RBKS: variants seen among roughly 807,000 people sequenced by gnomAD.
The protein encoded by RBKS is ribokinase.
RBKS carries 33 observed loss-of-function variants against 33.9 expected under a neutral mutation model. The observed-to-expected ratio is 0.97, with a 90% confidence interval of 0.74 to 1.30. The LOEUF (loss-of-function observed/expected upper bound fraction) is 1.30, where lower values mean the gene tolerates loss of function less well. RBKS is among the 50% of genes most tolerant of loss of function. The pLI is 0.00. For missense variants in RBKS, 361 were observed against 392.6 expected, an observed-to-expected ratio of 0.92 and a Z score of 0.68; for synonymous variants, 125 against 143.0, an observed-to-expected ratio of 0.87 and a Z score of 0.90.
At chr2:27,786,500 T>C (rs1452450702) in intron 7 of RBKS, among the ~76,000 whole-genome samples, 1 of 152,158 alleles carries the variant, frequency 6.6e-6, no homozygotes, top group Non-Finnish European at 1.5e-5. Flanking sequence ...TTTAAAAATA[T>C]GGCTGGGCGC....
At chr2:27,832,048 G>T (rs568235350) in intron 6 of RBKS, among the ~76,000 whole-genome samples, 6 of 152,260 alleles carry the variant, frequency 3.9e-5, no homozygotes, top group Admixed American at 6.5e-5. Flanking sequence ...CTTATAAAAA[G>T]GGAGAAATAT....
chr2:27,826,339 C>CT (rs1428723083), intron 7 of RBKS, among the ~76,000 whole-genome samples: 2 of 151,906 alleles, frequency 1.3e-5, no homozygotes, highest in Non-Finnish European at 1.5e-5. Context: ...AATAAAAACT[C>CT]TAAAATGTTT....
At chr2:27,833,483 A>G (rs1207639980) in intron 5 of RBKS, among the ~76,000 whole-genome samples, 1 of 152,184 alleles carries the variant, frequency 6.6e-6, no homozygotes, top group East Asian at 1.9e-4. Flanking sequence ...GATAGATGGG[A>G]ATAGCAGACA....
At chr2:27,847,192 G>A in intron 3 of RBKS, 88 bp from the exon 4 acceptor site, 24 of 755,206 alleles carry the variant, frequency 3.2e-5, no homozygotes, top group South Asian at 1.2e-4. Flanking sequence ...ACTAATCCTT[G>A]GAAAACCTTT....
At chr2:27,846,017 T>C (rs1446626329) in intron 4 of RBKS, among the ~76,000 whole-genome samples, 1 of 151,780 alleles carries the variant, frequency 6.6e-6, no homozygotes, top group Admixed American at 6.6e-5. Context: ...CAGGCTGGAG[T>C]GTAGTCACCC....
Position 27,827,569 on chromosome 2 carries a change from T to C in RBKS, c.793A>G (p.Thr265Ala). The C allele has an allele frequency of 7.7e-6, 12 of 1,561,848 alleles. No individual in the cohort carries two copies. Among genetic ancestry groups the C allele is most frequent in the Non-Finnish European group, 1.0e-5 (12 of 1,157,048 alleles). ...PTEKVKAVDT[T>A]GAGDSFVGAL... ...GATTCTTAAATTTTAAAACTTACCG[T>C]GGTATCCACAGCCTTGACTTTCTCT... The change falls in exon 7 of 8, where the codon ACG becomes GCG. Residue 265 changes from threonine to alanine, a missense_variant and splice_region_variant. Transcript: ENST00000302188.
intron 2 of RBKS, among the ~76,000 whole-genome samples, chr2:27,852,866 G>T (rs553330428): frequency 6.6e-6 from 1 of 152,296 alleles, no homozygotes; most frequent in East Asian, 1.9e-4. Flanking sequence ...GTGCCTGAGG[G>T]TTATAGTGAA....
chr2:27,871,286 A>C (rs903361497), intron 1 of RBKS, among the ~76,000 whole-genome samples: 4 of 152,188 alleles, frequency 2.6e-5, no homozygotes, highest in South Asian at 2.1e-4. Flanking sequence ...AACAAACAAA[A>C]AAACCCAAAA....
intron 7 of RBKS, among the ~76,000 whole-genome samples, chr2:27,789,830 T>C (rs772860186): frequency 9.3e-5 from 14 of 150,506 alleles, no homozygotes; most frequent in Non-Finnish European, 1.8e-4. Flanking sequence ...CCCAAAGTGC[T>C]GGGATTACAG....
Position 27,827,738 on chromosome 2 carries a change from G to A in RBKS, c.624C>T (p.Gly208=). ...CATCTGCAGCGCTGCCCACCGTGAGGCCAGTTAAAATCTCAGCCTAGAATA... is the reference window on the plus strand; with the variant it reads ...CATCTGCAGCGCTGCCCACCGTGAGACCAGTTAAAATCTCAGCCTAGAATA... The part of the protein sequence containing the change: ...CNESEAEILT[G]LTVGSAADAG... Residue 208 remains glycine, a synonymous_variant, in exon 7 of 8, where the codon GGC becomes GGT. Coordinates refer to ENST00000302188, the MANE Select transcript of RBKS (RefSeq NM_022128.3). 6.2e-7 allele frequency: 1 copy of A among 1,601,970 alleles called. No homozygotes were observed. Among genetic ancestry groups the A allele is most frequent in the East Asian group, 2.3e-5 (1 of 44,366 alleles).
intron 7 of RBKS, among the ~76,000 whole-genome samples, chr2:27,784,015 G>T (rs1479974344): frequency 2.9e-5 from 2 of 68,040 alleles, no homozygotes; most frequent in Admixed American, 2.7e-4. Flanking sequence ...ACGGAGTCTC[G>T]CTCTGTCGCC....
chr2:27,884,956 T>A (rs1309663154), intron 1 of RBKS, among the ~76,000 whole-genome samples: 2 of 152,212 alleles, frequency 1.3e-5, no homozygotes, highest in African/African-American at 4.8e-5. Context: ...TCCAGCCTCA[T>A]GGCTTTAAAT....
At chr2:27,815,727 A>T (rs1374426790) in intron 7 of RBKS, among the ~76,000 whole-genome samples, 1 of 152,220 alleles carries the variant, frequency 6.6e-6, no homozygotes, top group Non-Finnish European at 1.5e-5. Flanking sequence ...GCTTAGACGT[A>T]GGAAGCTAAG....
chr2:27,829,530 G>A (rs1382899683), intron 6 of RBKS, among the ~76,000 whole-genome samples: 2 of 151,896 alleles, frequency 1.3e-5, no homozygotes, highest in East Asian at 3.9e-4. Flanking sequence ...CACCACACCT[G>A]GCTAATTTTT....
chr2:27,807,193 A>C (rs980347453), intron 7 of RBKS, among the ~76,000 whole-genome samples: 18 of 152,244 alleles, frequency 1.2e-4, no homozygotes, highest in Admixed American at 1.2e-3. Flanking sequence ...CATGTGTGCT[A>C]AAGAATTCTC....
At chr2:27,828,185 A>G (rs1424726755) in intron 6 of RBKS, among the ~76,000 whole-genome samples, 1 of 152,230 alleles carries the variant, frequency 6.6e-6, no homozygotes, top group Non-Finnish European at 1.5e-5. Context: ...GAGGAAAAGC[A>G]AATACAGCAA....
intron 5 of RBKS, among the ~76,000 whole-genome samples, chr2:27,833,494 C>A (rs1037293482): frequency 6.6e-6 from 1 of 152,050 alleles, no homozygotes; most frequent in Non-Finnish European, 1.5e-5. Flanking sequence ...ATAGCAGACA[C>A]AGGGAAATGA....
At chr2:27,804,927 T>C (rs1677867261) in intron 7 of RBKS, among the ~76,000 whole-genome samples, 1 of 151,878 alleles carries the variant, frequency 6.6e-6, no homozygotes, top group Admixed American at 6.6e-5. Context: ...CTCTGGAGGT[T>C]GAGGTGGGAG....
chr2:27,869,675 T>A (rs1428075393), intron 1 of RBKS: 1 of 170,082 alleles, frequency 5.9e-6, no homozygotes, highest in Non-Finnish European at 1.2e-5. Context: ...AATGGAATAA[T>A]TATACAACTC....
Sources: gnomAD v4.1 joint callset for allele counts (sites outside exome capture counted in the v4.1 genomes callset) on GRCh38, gnomAD v4.1.1 for gene constraint, MANE v1.5 for transcripts, NCBI Gene and HGNC (gene_info 2026-07-23, HGNC 2026-07-21) for gene names.